The following ZNF521 variants were observed in gnomAD, a reference collection of about 807,000 sequenced individuals.
ZNF521 encodes the protein zinc finger protein 521, also known as LYST-interacting protein 3.
A neutral mutation model predicts 105.5 loss-of-function variants in ZNF521; 14 were observed. The ratio of observed to expected loss-of-function variants is 0.13; its 90% confidence interval spans 0.09 to 0.21. The LOEUF (loss-of-function observed/expected upper bound fraction) is 0.21, where lower values mean the gene tolerates loss of function less well. ZNF521 is among the 10% of genes least tolerant of loss of function. ZNF521 has a pLI of 1.00. For synonymous variants in ZNF521, 635 were observed against 606.0 expected, an observed-to-expected ratio of 1.05 and a Z score of -0.70; for missense variants, 1,233 against 1,629.7, an observed-to-expected ratio of 0.76 and a Z score of 4.19.
At chr18:25,133,757 C>T (rs1322045172) in intron 5 of ZNF521, among the ~76,000 whole-genome samples, 3 of 151,964 alleles carry the variant, frequency 2.0e-5, no homozygotes, top group Admixed American at 6.6e-5. Flanking sequence ...ACAGCAGCTG[C>T]TGATTGAACA....
intron 3 of ZNF521, among the ~76,000 whole-genome samples, chr18:25,284,910 G>GCA (rs45525437): frequency 0.031 from 4,636 of 148,652 alleles, 94 homozygotes; most frequent in South Asian, 0.089. Flanking sequence ...GTGCGCGCGC[G>GCA]CACACACACA....
At chr18:25,345,068 A>G (rs927714919) in intron 2 of ZNF521, among the ~76,000 whole-genome samples, 30 of 152,206 alleles carry the variant, frequency 2.0e-4, no homozygotes, top group African/African-American at 6.5e-4. Context: ...ATATGCTTCA[A>G]CTTATGTCAA....
intron 3 of ZNF521, among the ~76,000 whole-genome samples, chr18:25,259,517 G>A (rs1013908709): frequency 3.3e-5 from 5 of 152,124 alleles, no homozygotes; most frequent in Non-Finnish European, 5.9e-5. Flanking sequence ...AGGGCACCAC[G>A]GGCGTAAACT....
chr18:25,323,538 C>A (rs546781153), intron 2 of ZNF521, among the ~76,000 whole-genome samples: 10 of 152,076 alleles, frequency 6.6e-5, no homozygotes, highest in Non-Finnish European at 1.5e-4. Flanking sequence ...AACTCCTGGC[C>A]TCAAGCAATC....
rs1906322760 is a variant in ZNF521 at position 25,228,541 on chromosome 18, T to TTGCAAAAGCTTCAGCAGC, written c.221-862_221-845dup. 2.6e-5 allele frequency among the ~76,000 whole-genome samples: 4 copies of TTGCAAAAGCTTCAGCAGC among 152,366 alleles called. No individual in the cohort carries two copies. The South Asian group carries it at 8.3e-4, about 32-fold the overall frequency. On this transcript the variant is annotated intron_variant, in intron 3 of 7. Transcript: ENST00000361524. ...AGAGGTGGCCCACCATATCTTCCTT[T>TTGCAAAAGCTTCAGCAGC]TGCAAAAGCTTCAGCAGCCTGAACT...
At chr18:25,240,770 A>G (rs972616180) in intron 3 of ZNF521, among the ~76,000 whole-genome samples, 3 of 152,042 alleles carry the variant, frequency 2.0e-5, no homozygotes, top group East Asian at 1.9e-4. Context: ...CATAGAGGGT[A>G]CAGGCTGGGT....
intron 3 of ZNF521, among the ~76,000 whole-genome samples, chr18:25,233,044 G>A (rs1301046741): frequency 1.3e-5 from 2 of 152,026 alleles, no homozygotes; most frequent in African/African-American, 4.8e-5. Flanking sequence ...AGAGAAGTCG[G>A]GCTCTACTTA....
intron 7 of ZNF521, among the ~76,000 whole-genome samples, chr18:25,064,471 C>A (rs1340533911): frequency 6.6e-6 from 1 of 152,206 alleles, no homozygotes; most frequent in Non-Finnish European, 1.5e-5. Context: ...TGGATGAATT[C>A]TTCTGGAGTG....
intron 5 of ZNF521, among the ~76,000 whole-genome samples, chr18:25,153,789 C>T (rs2035092465): frequency 6.6e-6 from 1 of 152,188 alleles, no homozygotes; most frequent in Admixed American, 6.6e-5. Context: ...TCCTATAACC[C>T]ATTCCTCTTC....
chr18:25,312,291 A>T (rs1912351091), intron 3 of ZNF521, among the ~76,000 whole-genome samples: 1 of 152,194 alleles, frequency 6.6e-6, no homozygotes, highest in South Asian at 2.1e-4. Flanking sequence ...AAGCATTCAA[A>T]GAGCTTTGAG....
intron 7 of ZNF521, among the ~76,000 whole-genome samples, chr18:25,066,048 T>A (rs139659424): frequency 1.3e-5 from 2 of 152,282 alleles, no homozygotes; most frequent in Non-Finnish European, 2.9e-5. Flanking sequence ...GTAAGTAATA[T>A]CAACCTAAGA....
Position 25,218,023 on chromosome 18 carries a change from T to A in ZNF521, c.3573+6322A>T, listed in dbSNP as rs575321803. Among the ~76,000 whole-genome samples, 3 of 152,246 alleles carry A rather than the reference T, an allele frequency of 2.0e-5. No homozygotes were observed. In the South Asian group the frequency reaches 6.2e-4, roughly 32 times the overall value. On this transcript the variant is annotated intron_variant, in intron 4 of 7. Transcript: ENST00000361524. ...AGTAAGACACAGAGACAATATGTTA[T>A]GTGTGGTTAATTAAAGTGCTTCCAA...
chr18:25,117,453 C>G (rs1179308703), intron 5 of ZNF521, among the ~76,000 whole-genome samples: 1 of 151,944 alleles, frequency 6.6e-6, no homozygotes, highest in Non-Finnish European at 1.5e-5. Context: ...ACAGAAAAGA[C>G]AATTAACTTA....
chr18:25,102,599 C>A (rs1488700662), intron 5 of ZNF521, among the ~76,000 whole-genome samples: 1 of 151,946 alleles, frequency 6.6e-6, no homozygotes, highest in Non-Finnish European at 1.5e-5. Flanking sequence ...GTGCTCATAG[C>A]TCCCTGCAGC....
intron 5 of ZNF521, among the ~76,000 whole-genome samples, chr18:25,182,716 G>A (rs2035653552): frequency 6.6e-6 from 1 of 152,154 alleles, no homozygotes; most frequent in African/African-American, 2.4e-5. Context: ...CAGATGAGAT[G>A]TGTCTCTGTG....
At chr18:25,136,498 C>T (rs1444356682) in intron 5 of ZNF521, among the ~76,000 whole-genome samples, 1 of 152,082 alleles carries the variant, frequency 6.6e-6, no homozygotes, top group Non-Finnish European at 1.5e-5. Flanking sequence ...TTCTATAGCC[C>T]TTTGAGGTAT....
At chr18:25,068,506 T>A (rs952434414) in intron 7 of ZNF521, among the ~76,000 whole-genome samples, 4 of 147,104 alleles carry the variant, frequency 2.7e-5, no homozygotes, top group Non-Finnish European at 6.0e-5. Flanking sequence ...TTTTCATTTT[T>A]AATTTTTTTT....
intron 7 of ZNF521, among the ~76,000 whole-genome samples, chr18:25,071,620 T>C (rs1275137062): frequency 6.6e-6 from 1 of 152,090 alleles, no homozygotes; most frequent in Non-Finnish European, 1.5e-5. Flanking sequence ...AAAAATTGGT[T>C]TCAGAGCTGG....
intron 4 of ZNF521, chr18:25,202,449 G>A (rs561776950): frequency 6.6e-5 from 10 of 151,952 alleles, no homozygotes; most frequent in Non-Finnish European, 1.5e-4. Context: ...GCATCCGCAG[G>A]GCATCCCGGA....
Sources: allele counts gnomAD v4.1 joint callset (sites outside exome capture counted in the v4.1 genomes callset), GRCh38; gene constraint gnomAD v4.1.1; transcripts MANE v1.5; gene names NCBI Gene and HGNC (gene_info 2026-07-23, HGNC 2026-07-21).